Variants in CRAMP1 observed in about 807,000 individuals in gnomAD.
CRAMP1 encodes the protein protein cramped-like.
A neutral mutation model predicts 115.4 loss-of-function variants in CRAMP1; 50 were observed. That is an observed-to-expected ratio of 0.43 (90% CI 0.35 to 0.55). The LOEUF (loss-of-function observed/expected upper bound fraction) is 0.55. Among genes scored for constraint, CRAMP1 ranks in the 20% least tolerant of loss-of-function variants. The pLI, the probability that CRAMP1 is intolerant of heterozygous loss-of-function variation, is 0.01. For missense variants in CRAMP1, 1,679 were observed against 1,721.7 expected (o/e 0.98, Z 0.44); for synonymous variants, 866 against 745.4 (o/e 1.16, Z -2.64).
chr16:1,615,249 C>T (rs911699041), intron 2 of CRAMP1, among the ~76,000 whole-genome samples: 1 of 152,220 alleles, frequency 6.6e-6, no homozygotes, highest in African/African-American at 2.4e-5. Context: ...AAAGCTGTTT[C>T]CTTTCCAAAG....
chr16:1,635,964 C>T (rs1049238025), intron 4 of CRAMP1, among the ~76,000 whole-genome samples: 9 of 152,166 alleles, frequency 5.9e-5, no homozygotes, highest in African/African-American at 1.9e-4. Context: ...TGTGTTGTAG[C>T]GTGTGCCAGT....
chr16:1,659,922 A>T lies in CRAMP1; in HGVS notation c.2272A>T (p.Arg758Trp). The change falls in exon 11 of 21, where the codon AGG (arginine) becomes TGG (tryptophan). Residue 758 changes from arginine to tryptophan, a missense_variant. Arg to Trp is a moderately radical substitution (Grantham distance 101). Transcript: ENST00000397412. ...AAACACCATCTCTACAGCCTCAGTA[A>T]GGCCCGCCCAGGAGGAGCAGTCGAT... ...EANTISTASV[R>W]PAQEEQSMTP... 1 of 1,613,016 alleles carries T rather than the reference A, an allele frequency of 6.2e-7. No individual in the cohort carries two copies. Among genetic ancestry groups the T allele is most frequent in the Non-Finnish European group, 8.5e-7 (1 of 1,179,834 alleles).
At position 1,668,985 on chromosome 16, in the gene CRAMP1, G is replaced by A; in HGVS notation, c.3335-16G>A. 6.2e-7 allele frequency: 1 copy of A among 1,612,708 alleles called. No individual in the cohort carries two copies. Among genetic ancestry groups the A allele is most frequent in the Non-Finnish European group, 8.5e-7 (1 of 1,179,314 alleles). On this transcript the variant is annotated splice_polypyrimidine_tract_variant and intron_variant, in intron 18 of 20. Transcript: ENST00000397412. ...CCCGCAACAAGGCGTTTCTGATCTG[G>A]GATCTTGGTTGGCAGGTGAAGGAGT...
In CRAMP1 at chr16:1,614,550, A is replaced by C; in HGVS notation, c.-1-89A>C. 1.3e-6 allele frequency: 1 copy of C among 784,294 alleles called. No individual in the cohort carries two copies. The highest frequency in any genetic ancestry group is 1.7e-6 in the Non-Finnish European group (1 of 592,314). 48.6% of individuals were successfully genotyped at this position (784,294 alleles called of 1,614,324 possible). On this transcript the variant is annotated intron_variant, in intron 1 of 20. Coordinates refer to ENST00000397412, the MANE Select transcript of CRAMP1 (RefSeq NM_020825.4). This position sits in a 1 kb window ranked among gnomAD's most constrained non-coding sequence, Gnocchi z 4.4. ...CGCCGAGAGGGGATTTGGAACAAAC[A>C]ACGGCGGCCATGTTGAGAGCGCGTC...
intron 6 of CRAMP1, among the ~76,000 whole-genome samples, chr16:1,648,357 C>T (rs1262688205): frequency 6.6e-6 from 1 of 152,032 alleles, no homozygotes; most frequent in African/African-American, 2.4e-5. Flanking sequence ...GCCTGTAATC[C>T]CAGCACTTTG....
chr16:1,612,442 G>A lies in CRAMP1; in HGVS notation c.-217G>A, dbSNP rs540419119. 3 of 151,336 alleles carry A rather than the reference G, an allele frequency of 2.0e-5. No individual in the cohort carries two copies. The East Asian group carries it at 5.8e-4, about 29-fold the overall frequency. 9.4% of individuals were successfully genotyped at this position (151,336 alleles called of 1,614,324 possible). On this transcript the variant is annotated 5_prime_UTR_variant, in exon 1 of 21. Coordinates refer to ENST00000397412, the MANE Select transcript of CRAMP1 (RefSeq NM_020825.4). ...GCTAGGGTGAGTGGCGGCAGTATCT[G>A]CGTCCGCAGCCCCCGCAGCCGCGCG...
chr16:1,641,557 T>C (rs966730311), intron 6 of CRAMP1, among the ~76,000 whole-genome samples: 7 of 152,174 alleles, frequency 4.6e-5, no homozygotes, highest in Admixed American at 4.6e-4. Context: ...CATTGCATTT[T>C]TGTCGTGTCC....
chr16:1,659,749 C>T lies in CRAMP1; in HGVS notation c.2236-137C>T. 3 of 846,224 alleles carry T rather than the reference C, an allele frequency of 3.5e-6. No individual in the cohort carries two copies. In the Admixed American group the frequency reaches 7.1e-5, roughly 20 times the overall value. 52.4% of individuals were successfully genotyped at this position (846,224 alleles called of 1,614,324 possible). A position where few individuals can be genotyped will look rare whatever the true frequency, so the allele number is the denominator to read the frequency against. ...CTCTGGGGACACTGAGGTTGGGCGT[C>T]TCTGGCCCTGGCCTTTGCCGTCATG... On this transcript the variant is annotated intron_variant, in intron 10 of 20. Transcript: ENST00000397412.
At chr16:1,653,807 C>G (rs757518893) in intron 8 of CRAMP1, among the ~76,000 whole-genome samples, 29 of 127,562 alleles carry the variant, frequency 2.3e-4, no homozygotes, top group Non-Finnish European at 4.5e-4. Context: ...GGTGATAGAG[C>G]AAGACTCTGT....
intron 4 of CRAMP1, among the ~76,000 whole-genome samples, chr16:1,636,238 G>A (rs562625822): frequency 2.6e-5 from 4 of 152,270 alleles, no homozygotes; most frequent in African/African-American, 7.2e-5. Flanking sequence ...GGGCGTGGTG[G>A]CGCATGCCTG....
In CRAMP1 at chr16:1,657,056, C is replaced by T. The variant is rs2036782676; in HGVS notation, c.2235+64C>T. 4 of 1,385,474 alleles carry T rather than the reference C, an allele frequency of 2.9e-6. No homozygotes were observed. The African/African-American group carries it at 4.4e-5, about 15-fold the overall frequency. The allele number at this position is 1,385,474 out of a possible 1,614,324, so 85.8% of individuals were successfully genotyped here. ...GGAAGCCAGGCCCAGCCTTGGAGGG[C>T]TCCCTGCTGGGTAGCTAGGGCCAGC... On this transcript the variant is annotated intron_variant, in intron 10 of 20. Coordinates refer to ENST00000397412, the MANE Select transcript of CRAMP1 (RefSeq NM_020825.4).
At chr16:1,620,983 A>G (rs1409861963) in intron 2 of CRAMP1, among the ~76,000 whole-genome samples, 6 of 152,066 alleles carry the variant, frequency 3.9e-5, no homozygotes, top group Non-Finnish European at 1.5e-5. Context: ...CCCCATTTCT[A>G]AAATGGAGAT....
chr16:1,632,175 T>C (rs757590551), intron 3 of CRAMP1, 37 bp from the exon 4 acceptor site: 92 of 1,543,636 alleles, frequency 6.0e-5, no homozygotes, highest in Non-Finnish European at 7.5e-5. Context: ...TGCATTGTTT[T>C]AACCCCTCTA....
intron 14 of CRAMP1, chr16:1,665,797 C>T (rs2036869278): frequency 4.4e-6 from 2 of 451,820 alleles, no homozygotes; most frequent in African/African-American, 2.0e-5. Flanking sequence ...GGCTTGTCAC[C>T]CTTCAAGAGC....
chr16:1,637,849 A>G lies in CRAMP1; in HGVS notation c.720A>G (p.Ser240=). ...TGTTCTCTCGAGGCCTGAAGAAGTC[A>G]TCCCAGGAACTGTATGGCCTGATCT... ...DHVFSRGLKK[S]SQELYGLICY... is the part of the protein sequence containing the mutation. Residue 240 remains serine (S), a synonymous_variant, in exon 5 of 21, where the codon TCA becomes TCG. Transcript: ENST00000397412. 2 of 1,563,462 alleles carry G rather than the reference A, an allele frequency of 1.3e-6. No homozygotes were observed. The highest frequency in any genetic ancestry group is 8.6e-7 in the Non-Finnish European group (1 of 1,157,020).
intron 13 of CRAMP1, among the ~76,000 whole-genome samples, chr16:1,663,422 G>T (rs1257021658): frequency 6.6e-6 from 1 of 152,200 alleles, no homozygotes; most frequent in Non-Finnish European, 1.5e-5. Flanking sequence ...TCTCCCTTGA[G>T]ATTAGTATAT....
At chr16:1,658,771 G>A (rs1304364359) in intron 10 of CRAMP1, among the ~76,000 whole-genome samples, 4 of 152,246 alleles carry the variant, frequency 2.6e-5, no homozygotes, top group Admixed American at 2.6e-4. Flanking sequence ...AAAGCCTGTA[G>A]TATGGGGCTA....
chr16:1,632,935 C>T (rs1017535530), intron 4 of CRAMP1, among the ~76,000 whole-genome samples: 3 of 152,236 alleles, frequency 2.0e-5, no homozygotes, highest in African/African-American at 7.2e-5. Flanking sequence ...CCATCTCTGT[C>T]CTTGGGAGTC....
At chr16:1,658,158 G>A (rs1175048980) in intron 10 of CRAMP1, among the ~76,000 whole-genome samples, 1 of 152,206 alleles carries the variant, frequency 6.6e-6, no homozygotes, top group Non-Finnish European at 1.5e-5. Context: ...TGGCAGGAAT[G>A]TGCAGATTTG....
Sources: allele counts gnomAD v4.1 joint callset (sites outside exome capture counted in the v4.1 genomes callset), GRCh38; gene constraint gnomAD v4.1.1; non-coding constraint Gnocchi (gnomAD v3.1); transcripts MANE v1.5; gene names NCBI Gene and HGNC (gene_info 2026-07-23, HGNC 2026-07-21).